Variants in WDR70 observed in about 807,000 individuals in gnomAD.
The protein encoded by WDR70 is WD repeat domain 70, also known as WD repeat-containing protein 70.
A neutral mutation model predicts 88.6 loss-of-function variants in WDR70; 53 were observed. That is an observed-to-expected ratio of 0.60 (90% CI 0.48 to 0.75). WDR70 has a LOEUF of 0.75. Ranked by LOEUF, WDR70 falls within the 30% of genes least tolerant of loss-of-function variation. WDR70 has a pLI of 0.00. For missense variants in WDR70, 610 were observed against 823.2 expected, an observed-to-expected ratio of 0.74 and a Z score of 3.17; for synonymous variants, 280 against 270.0, an observed-to-expected ratio of 1.04 and a Z score of -0.36.
intron 10 of WDR70, among the ~76,000 whole-genome samples, chr5:37,624,015 T>G (rs1744592466): frequency 6.6e-6 from 1 of 152,178 alleles, no homozygotes; most frequent in African/African-American, 2.4e-5. Context: ...TAAGTAACAT[T>G]CATCATCTCA....
intron 10 of WDR70, among the ~76,000 whole-genome samples, chr5:37,648,631 T>C (rs1440577372): frequency 3.9e-5 from 6 of 151,946 alleles, no homozygotes; most frequent in Non-Finnish European, 8.8e-5. Context: ...TGGATAAAAA[T>C]TGTGGTTGGG....
chr5:37,715,337 CAAAAA>C (rs138965709), intron 13 of WDR70, among the ~76,000 whole-genome samples: 12 of 112,956 alleles, frequency 1.1e-4, no homozygotes, highest in Admixed American at 1.7e-4. Flanking sequence ...AGATTTCTGG[CAAAAA>C]AAAAAAAAAA....
At chr5:37,664,733 G>C (rs73065617) in intron 10 of WDR70, among the ~76,000 whole-genome samples, 1 of 152,170 alleles carries the variant, frequency 6.6e-6, no homozygotes, top group Non-Finnish European at 1.5e-5. Context: ...CCATTTAACC[G>C]ATCTTGACAT....
chr5:37,669,132 T>C (rs995221884), intron 10 of WDR70, among the ~76,000 whole-genome samples: 2 of 152,208 alleles, frequency 1.3e-5, no homozygotes, highest in African/African-American at 4.8e-5. Flanking sequence ...GCAAATTATT[T>C]CAAGAAAATT....
At chr5:37,679,148 A>G (rs1184543336) in intron 10 of WDR70, among the ~76,000 whole-genome samples, 2 of 151,980 alleles carry the variant, frequency 1.3e-5, no homozygotes, top group Non-Finnish European at 2.9e-5. Flanking sequence ...TTTTTTTCAA[A>G]GTTTTTAACT....
At chr5:37,547,218 G>C (rs995675882) in intron 9 of WDR70, among the ~76,000 whole-genome samples, 6 of 152,172 alleles carry the variant, frequency 3.9e-5, no homozygotes, top group Non-Finnish European at 7.3e-5. Context: ...GGAGAATGCT[G>C]TTCCTATGAA....
intron 13 of WDR70, 89 bp from the exon 14 acceptor site, chr5:37,721,026 A>G: frequency 9.4e-7 from 1 of 1,061,366 alleles, no homozygotes; most frequent in Non-Finnish European, 1.4e-6. Context: ...ATGATATTTG[A>G]TATAGTAGAC....
chr5:37,589,249 TACACACAC>T (rs57446016), intron 9 of WDR70, among the ~76,000 whole-genome samples: 4,023 of 140,136 alleles, frequency 0.029, 169 homozygotes, highest in African/African-American at 0.088. Context: ...CCTACACACA[TACACACAC>T]ACACACACAC....
chr5:37,746,364 G>A (rs1748637422), intron 17 of WDR70, among the ~76,000 whole-genome samples: 1 of 152,082 alleles, frequency 6.6e-6, no homozygotes, highest in South Asian at 2.1e-4. Context: ...ACAATTAAAA[G>A]AGCTAGAGCG....
At chr5:37,726,829 A>G (rs968272903) in intron 16 of WDR70, 54 bp from the exon 17 acceptor site, 3 of 1,518,838 alleles carry the variant, frequency 2.0e-6, no homozygotes, top group African/African-American at 1.4e-5. Flanking sequence ...AGATATACCT[A>G]TGTATCCTCA....
At chr5:37,706,104 G>A (rs541810280) in intron 13 of WDR70, among the ~76,000 whole-genome samples, 1 of 152,084 alleles carries the variant, frequency 6.6e-6, no homozygotes, top group African/African-American at 2.4e-5. Context: ...TATAGCAAGG[G>A]CATTTTCTAT....
At chr5:37,677,171 C>G (rs1746253843) in intron 10 of WDR70, among the ~76,000 whole-genome samples, 1 of 151,874 alleles carries the variant, frequency 6.6e-6, no homozygotes, top group Admixed American at 6.6e-5. Flanking sequence ...TTTGTTGATC[C>G]TTTCAAAAAA....
rs1268225320 is a variant in WDR70, at chr5:37,703,021, C to T, written c.1350C>T (p.Ser450=). Residue 450 remains serine (S), a synonymous_variant, in exon 13 of 18, where the codon AGC becomes AGT. Coordinates refer to ENST00000265107, the MANE Select transcript of WDR70 (RefSeq NM_018034.4). ...TGTSIQRGCG[S]GKLVFFERRT... ...CATCTATTCAAAGAGGATGTGGCAG[C>T]GGCAAACTTGTTTTCTTTGAGCGTA... The T allele has an allele frequency of 9.9e-6, 16 of 1,613,672 alleles. No individual in the cohort carries two copies. The highest frequency in any genetic ancestry group is 8.9e-5 in the East Asian group (4 of 44,884).
intron 10 of WDR70, among the ~76,000 whole-genome samples, chr5:37,664,098 C>T (rs1745773169): frequency 1.3e-5 from 2 of 152,174 alleles, no homozygotes; most frequent in African/African-American, 4.8e-5. Flanking sequence ...CCTACTCCTC[C>T]ATTAATGACA....
chr5:37,654,106 C>CT (rs1359310971), intron 10 of WDR70, among the ~76,000 whole-genome samples: 1 of 152,150 alleles, frequency 6.6e-6, no homozygotes, highest in African/African-American at 2.4e-5. Context: ...CCTCTAAATG[C>CT]TGCTTTAGTT....
chr5:37,387,870 T>C lies in WDR70; in HGVS notation c.176-4130T>C, dbSNP rs572116955. On this transcript the variant is annotated intron_variant, in intron 3 of 17. Transcript: ENST00000265107. ...ATTTATCTCATGCTTGGTATTGGAG[T>C]CTTTCCCCAGGTATTGATAGTACAC... Among the ~76,000 whole-genome samples, 8 of 152,232 alleles carry C rather than the reference T, an allele frequency of 5.3e-5. No homozygotes were observed. In the East Asian group the frequency reaches 1.4e-3, roughly 26 times the overall value.
chr5:37,690,865 C>T (rs897156345), intron 10 of WDR70, among the ~76,000 whole-genome samples: 1 of 152,186 alleles, frequency 6.6e-6, no homozygotes, highest in African/African-American at 2.4e-5. Context: ...ACCAAATTCA[C>T]ACATAACATT....
chr5:37,449,228 T>G (rs1227641919), intron 7 of WDR70, among the ~76,000 whole-genome samples: 1 of 152,224 alleles, frequency 6.6e-6, no homozygotes, highest in Non-Finnish European at 1.5e-5. Context: ...TCTTTTAGTT[T>G]GGTCTTTTGT....
At chr5:37,495,462 CTCTT>C (rs946752538) in intron 8 of WDR70, among the ~76,000 whole-genome samples, 4 of 151,618 alleles carry the variant, frequency 2.6e-5, no homozygotes, top group Admixed American at 6.6e-5. Flanking sequence ...CTCTCTCTCT[CTCTT>C]TCTCTCTCTC....
Sources: allele counts gnomAD v4.1 joint callset (sites outside exome capture counted in the v4.1 genomes callset), GRCh38; gene constraint gnomAD v4.1.1; transcripts MANE v1.5; gene names NCBI Gene and HGNC (gene_info 2026-07-23, HGNC 2026-07-21).